Variants in RHOBTB1 observed in about 807,000 individuals in gnomAD.
RHOBTB1 encodes Rho related BTB domain containing 1.
RHOBTB1 carries 40 observed loss-of-function variants against 71.6 expected under a neutral mutation model. The ratio of observed to expected loss-of-function variants is 0.56; its 90% confidence interval spans 0.43 to 0.73. The LOEUF (loss-of-function observed/expected upper bound fraction) is 0.73, where lower values mean the gene tolerates loss of function less well. RHOBTB1 is among the 30% of genes least tolerant of loss of function. The pLI is 0.00. For synonymous variants in RHOBTB1, 319 were observed against 334.9 expected, an observed-to-expected ratio of 0.95 and a Z score of 0.52; for missense variants, 797 against 894.0, an observed-to-expected ratio of 0.89 and a Z score of 1.38.
intron 4 of RHOBTB1, among the ~76,000 whole-genome samples, chr10:60,906,867 T>C (rs191569440): frequency 1.1e-4 from 17 of 152,276 alleles, no homozygotes; most frequent in Admixed American, 2.6e-4. Context: ...GGGACTGATA[T>C]GGTTTGGCTG....
chr10:60,893,060 G>T (rs1486787698), intron 4 of RHOBTB1, 65 bp from the exon 5 acceptor site: 2 of 1,266,288 alleles, frequency 1.6e-6, no homozygotes, highest in African/African-American at 1.5e-5. Flanking sequence ...TACCATTATG[G>T]TTCCTCTCAA....
intron 1 of RHOBTB1, among the ~76,000 whole-genome samples, chr10:60,993,276 C>A (rs1032124864): frequency 6.6e-6 from 1 of 152,092 alleles, no homozygotes; most frequent in African/African-American, 2.4e-5. Context: ...TAATTATAAA[C>A]GTTCAAAGTG....
chr10:60,891,334 C>CTTTTTTTTTTTT (rs756153141), intron 5 of RHOBTB1, among the ~76,000 whole-genome samples: 1 of 71,320 alleles, frequency 1.4e-5, no homozygotes, highest in Non-Finnish European at 2.5e-5. Context: ...TTGCTGTTTG[C>CTTTTTTTTTTTT]TTTTTTTTTT....
chr10:60,987,919 CTTTTTTTTTTTTTTTTTT>C (rs71018937), intron 1 of RHOBTB1, among the ~76,000 whole-genome samples: 6 of 53,738 alleles, frequency 1.1e-4, no homozygotes, highest in Admixed American at 9.0e-4. Flanking sequence ...AAATACTCAA[CTTTTTTTTTTTTTTTTTT>C]TTTTTTTTTT....
chr10:60,926,028 C>G (rs1014891976), intron 2 of RHOBTB1, among the ~76,000 whole-genome samples: 2 of 152,026 alleles, frequency 1.3e-5, no homozygotes, highest in Non-Finnish European at 2.9e-5. Context: ...GTCAGGAGCT[C>G]AAGACCAGCC....
intron 2 of RHOBTB1, among the ~76,000 whole-genome samples, chr10:60,951,421 C>G (rs1188877513): frequency 6.6e-6 from 1 of 152,174 alleles, no homozygotes; most frequent in Non-Finnish European, 1.5e-5. Flanking sequence ...TCAGAGTATC[C>G]TTAGCTCTGT....
At chr10:60,938,020 T>C (rs761402369) in intron 2 of RHOBTB1, among the ~76,000 whole-genome samples, 32 of 152,172 alleles carry the variant, frequency 2.1e-4, no homozygotes, top group Non-Finnish European at 7.4e-5. Flanking sequence ...GCATAGTTAA[T>C]GAAATGCCAG....
At chr10:60,933,588 C>T (rs1301377860) in intron 2 of RHOBTB1, among the ~76,000 whole-genome samples, 1 of 151,880 alleles carries the variant, frequency 6.6e-6, no homozygotes, top group East Asian at 1.9e-4. Flanking sequence ...GGTGTGGTGG[C>T]ACGTGCCTGT....
intron 5 of RHOBTB1, among the ~76,000 whole-genome samples, chr10:60,891,526 T>C (rs2081919129): frequency 6.6e-6 from 1 of 151,632 alleles, no homozygotes; most frequent in Admixed American, 6.6e-5. Context: ...TATTTTTATT[T>C]TTCTAGAGAC....
chr10:60,873,233 G>A (rs1182108223), intron 9 of RHOBTB1, among the ~76,000 whole-genome samples: 1 of 152,214 alleles, frequency 6.6e-6, no homozygotes. Flanking sequence ...GTTCTGCCAG[G>A]TGGGTTTGTT....
chr10:60,923,330 G>A (rs962776494), intron 2 of RHOBTB1, among the ~76,000 whole-genome samples: 3 of 152,174 alleles, frequency 2.0e-5, no homozygotes, highest in African/African-American at 7.2e-5. Context: ...TGTAAAAGAA[G>A]ATAATGTACA....
At chr10:60,987,914 C>T (rs1411798856) in intron 1 of RHOBTB1, among the ~76,000 whole-genome samples, 1 of 130,634 alleles carries the variant, frequency 7.7e-6, no homozygotes, top group African/African-American at 2.9e-5. Context: ...GTCTGAAATA[C>T]TCAACTTTTT....
intron 2 of RHOBTB1, among the ~76,000 whole-genome samples, chr10:60,932,179 T>G (rs1240301538): frequency 6.6e-6 from 1 of 152,184 alleles, no homozygotes; most frequent in Non-Finnish European, 1.5e-5. Context: ...AATTTAACAT[T>G]GTAATCTTTA....
downstream of RHOBTB1, among the ~76,000 whole-genome samples, chr10:60,869,205 G>C (rs2080668177): frequency 1.3e-5 from 2 of 152,166 alleles, no homozygotes; most frequent in South Asian, 4.1e-4. Context: ...ACTATGTCTA[G>C]TGACATACTG....
chr10:60,886,303 T>C, intron 6 of RHOBTB1, 73 bp from the exon 7 acceptor site: 4 of 1,047,878 alleles, frequency 3.8e-6, no homozygotes, highest in Non-Finnish European at 1.5e-6. Context: ...TCTGCTCCCA[T>C]AGCCACCAAA....
downstream of RHOBTB1, among the ~76,000 whole-genome samples, chr10:60,867,817 C>T (rs2080644137): frequency 6.6e-6 from 1 of 152,192 alleles, no homozygotes; most frequent in African/African-American, 2.4e-5. Flanking sequence ...AAGGAGGTCA[C>T]TAGTATTGCC....
At chr10:60,944,292 C>A (rs778310676), upstream of RHOBTB1, 2 of 152,184 alleles carry the variant, frequency 1.3e-5, no homozygotes, top group African/African-American at 2.4e-5. Flanking sequence ...CCCGGCACCT[C>A]GCTCCGCCGC....
rs560544026 is a variant in RHOBTB1, at chr10:60,968,083, G to A, written c.-62+17762C>T. Among the ~76,000 whole-genome samples, 646 of 152,186 alleles carry A rather than the reference G, an allele frequency of 4.2e-3. 1 individual carries two copies. The highest frequency in any genetic ancestry group is 7.1e-3 in the Non-Finnish European group (483 of 67,992). On this transcript the variant is annotated intron_variant, in intron 2 of 11. Coordinates refer to the RHOBTB1 transcript ENST00000357917. ...ACCCCACTTCTCTGAACCCTGTTCT[G>A]CCTTCCTCTTGTTTTCTTCAGTGCC...
At chr10:60,966,596 T>C (rs1452654551) in intron 2 of RHOBTB1, among the ~76,000 whole-genome samples, 1 of 152,122 alleles carries the variant, frequency 6.6e-6, no homozygotes, top group Non-Finnish European at 1.5e-5. Flanking sequence ...GTAGCTCTGC[T>C]TTACATAATC....
Sources: allele counts gnomAD v4.1 joint callset (sites outside exome capture counted in the v4.1 genomes callset), GRCh38; gene constraint gnomAD v4.1.1; transcripts MANE v1.5; gene names NCBI Gene and HGNC (gene_info 2026-07-23, HGNC 2026-07-21).